The following TMEM278 variants were observed in gnomAD, a reference collection of about 807,000 sequenced individuals.
TMEM278 encodes the protein transmembrane protein 278, also known as transmembrane protein 88B.
At chr1:1,427,889 C>T in the TMEM278 span, 2 of 1,146,554 alleles carry the variant, frequency 1.7e-6, no homozygotes, top group Non-Finnish European at 2.2e-6. Flanking sequence ...CTGCCCCTTC[C>T]TGGCTGGGCG....
At chr1:1,426,940 G>A in the TMEM278 span, among the ~76,000 whole-genome samples, 1 of 151,800 alleles carries the variant, frequency 6.6e-6, no homozygotes, top group Non-Finnish European at 1.5e-5. Context: ...AAGGGACCCT[G>A]CTCAGCCCTT....
At chr1:1,427,572 C>CCCCGGTG in the TMEM278 span, 1 of 1,160,800 alleles carries the variant, frequency 8.6e-7, no homozygotes, top group Non-Finnish European at 1.0e-6. Flanking sequence ...CGCTCCGGGT[C>CCCCGGTG]CCCGGTGCCG....
At chr1:1,427,883 C>T in the TMEM278 span, 2 of 1,175,754 alleles carry the variant, frequency 1.7e-6, no homozygotes, top group South Asian at 2.1e-5. Context: ...CCCCCGCTGC[C>T]CCTTCCTGGC....
chr1:1,429,562 G>A, the TMEM278 span, among the ~76,000 whole-genome samples: 8 of 152,080 alleles, frequency 5.3e-5, no homozygotes, highest in African/African-American at 1.4e-4. Context: ...TGTTTCTGCC[G>A]ATTCTCATCA....
the TMEM278 span, chr1:1,427,689 C>CGCCTCCGCCCGCTGCT: frequency 9.1e-6 from 12 of 1,325,732 alleles, no homozygotes; most frequent in Non-Finnish European, 9.6e-6. Flanking sequence ...CCTAGCCCGG[C>CGCCTCCGCCCGCTGCT]GCCTCCGCCC....
the TMEM278 span, among the ~76,000 whole-genome samples, chr1:1,428,018 A>G: frequency 2.8e-4 from 5 of 18,118 alleles, no homozygotes; most frequent in Non-Finnish European, 5.0e-4. Context: ...GGAGGGGGAG[A>G]GAGGGGAGGG....
the TMEM278 span, among the ~76,000 whole-genome samples, chr1:1,430,240 C>T: frequency 6.6e-6 from 1 of 152,180 alleles, no homozygotes; most frequent in Non-Finnish European, 1.5e-5. Flanking sequence ...TAAAAATGTA[C>T]GCTCATAGTA....
At chr1:1,427,150 C>T in the TMEM278 span, among the ~76,000 whole-genome samples, 1 of 146,056 alleles carries the variant, frequency 6.8e-6, no homozygotes, top group African/African-American at 2.5e-5. Context: ...TCATCTCTAT[C>T]GCCCACTCCT....
chr1:1,427,617 A>C, the TMEM278 span: 2 of 1,277,240 alleles, frequency 1.6e-6, no homozygotes, highest in Non-Finnish European at 2.0e-6. Context: ...CGCGGCGCTC[A>C]TCGTGTTCGG....
At chr1:1,426,001 A>G in the TMEM278 span, 7 of 1,253,112 alleles carry the variant, frequency 5.6e-6, no homozygotes, top group Non-Finnish European at 7.0e-6. Flanking sequence ...GCCAGGGTCC[A>G]CGGTCTGGCT....
chr1:1,426,606 C>G, the TMEM278 span, among the ~76,000 whole-genome samples: 6 of 152,146 alleles, frequency 3.9e-5, no homozygotes, highest in South Asian at 2.1e-4. Context: ...TCCCTGAGGC[C>G]TCCCAGCCTT....
the TMEM278 span, chr1:1,426,097 G>A: frequency 4.6e-5 from 63 of 1,362,832 alleles, no homozygotes; most frequent in African/African-American, 1.1e-4. Flanking sequence ...ATTGAGCACC[G>A]CCCGGGCCAC....
the TMEM278 span, among the ~76,000 whole-genome samples, chr1:1,428,290 G>A: frequency 2.0e-5 from 3 of 151,912 alleles, no homozygotes; most frequent in Non-Finnish European, 4.4e-5. Flanking sequence ...CCAGGTCCCG[G>A]CCTCCATCGT....
At chr1:1,426,095 CCG>C in the TMEM278 span, 11 of 1,359,100 alleles carry the variant, frequency 8.1e-6, no homozygotes, top group Non-Finnish European at 1.0e-5. Context: ...GCATTGAGCA[CCG>C]CCCGGGCCAC....
At chr1:1,427,718 TG>T in the TMEM278 span, 2 of 1,317,934 alleles carry the variant, frequency 1.5e-6, no homozygotes, top group South Asian at 3.9e-5. Flanking sequence ...CTCCGCCCGC[TG>T]GGACCCCCGG....
At chr1:1,429,211 G>A in the TMEM278 span, among the ~76,000 whole-genome samples, 1 of 152,066 alleles carries the variant, frequency 6.6e-6, no homozygotes, top group South Asian at 2.1e-4. Context: ...AGCTGGCCAT[G>A]GTGGTGCACA....
chr1:1,427,794 G>A, the TMEM278 span: 6 of 1,378,238 alleles, frequency 4.4e-6, no homozygotes, highest in Middle Eastern at 2.3e-4. Context: ...GTGACCCGGC[G>A]GCCGCTGCGA....
the TMEM278 span, chr1:1,427,805 A>T: frequency 7.3e-7 from 1 of 1,378,022 alleles, no homozygotes; most frequent in Non-Finnish European, 9.4e-7. Flanking sequence ...GCCGCTGCGA[A>T]ACCCCGGGAG....
the TMEM278 span, among the ~76,000 whole-genome samples, chr1:1,427,160 T>G: frequency 8.3e-6 from 1 of 120,440 alleles, no homozygotes; most frequent in Non-Finnish European, 1.7e-5. Flanking sequence ...CGCCCACTCC[T>G]CTCTCCCGCC....
Sources: gnomAD v4.1 joint callset for allele counts (sites outside exome capture counted in the v4.1 genomes callset) on GRCh38, gnomAD v4.1.1 for gene constraint, MANE v1.5 for transcripts, NCBI Gene and HGNC (gene_info 2026-07-23, HGNC 2026-07-21) for gene names.